FAXC: variants seen among roughly 807,000 people sequenced by gnomAD.
The protein encoded by FAXC is failed axon connections homolog, metaxin like GST domain containing.
Under a neutral mutation model 41.9 loss-of-function variants are expected in FAXC, and 10 were observed. The ratio of observed to expected loss-of-function variants is 0.24; its 90% confidence interval spans 0.15 to 0.41. The LOEUF (loss-of-function observed/expected upper bound fraction) is 0.41. FAXC is among the 10% of genes least tolerant of loss of function. The probability of loss-of-function intolerance (pLI) is 1.00; values close to 1 mark genes in which losing one functional copy is unlikely to be tolerated. For synonymous variants in FAXC, 183 were observed against 183.8 expected (o/e 1.00, Z 0.03); for missense variants, 399 against 510.9 (o/e 0.78, Z 2.11).
chr6:99,296,224 A>C (rs1771489931), intron 4 of FAXC, among the ~76,000 whole-genome samples: 1 of 152,166 alleles, frequency 6.6e-6, no homozygotes, highest in Admixed American at 6.5e-5. Flanking sequence ...GCCAAGTTAA[A>C]GGCTTCGGAC....
At chr6:99,339,964 AAG>A (rs1204588131) in intron 2 of FAXC, among the ~76,000 whole-genome samples, 1 of 152,216 alleles carries the variant, frequency 6.6e-6, no homozygotes, top group African/African-American at 2.4e-5. Context: ...CTCAGATAAT[AAG>A]AGTTTATAAA....
At position 99,279,249 on chromosome 6, in the gene FAXC, T is replaced by C. The variant is rs947157999; in HGVS notation, c.*1915A>G. 6.6e-6 allele frequency: 1 copy of C among 152,196 alleles called. No homozygotes were observed. The highest frequency in any genetic ancestry group is 2.4e-5 in the African/African-American group (1 of 41,452). 9.4% of individuals were successfully genotyped at this position (152,196 alleles called of 1,614,324 possible). On this transcript the variant is annotated 3_prime_UTR_variant, in exon 6 of 6. Coordinates refer to ENST00000389677, the MANE Select transcript of FAXC (RefSeq NM_032511.4). ...CTTATTAGGCATCAAACAGTCCCTT[T>C]AAATAAGAATGGTTTTAATAAGATA...
At chr6:99,318,489 G>T (rs1772462286) in intron 4 of FAXC, among the ~76,000 whole-genome samples, 1 of 152,040 alleles carries the variant, frequency 6.6e-6, no homozygotes, top group South Asian at 2.1e-4. Flanking sequence ...AAATTGCAGT[G>T]ACTTATTTTC....
At chr6:99,315,612 G>A (rs1248857031) in intron 4 of FAXC, among the ~76,000 whole-genome samples, 1 of 152,194 alleles carries the variant, frequency 6.6e-6, no homozygotes, top group Non-Finnish European at 1.5e-5. Flanking sequence ...CTCCTAAGGT[G>A]TCTAACAACA....
intron 4 of FAXC, among the ~76,000 whole-genome samples, chr6:99,319,129 G>A (rs1243850895): frequency 6.6e-6 from 1 of 152,114 alleles, no homozygotes; most frequent in Non-Finnish European, 1.5e-5. Flanking sequence ...CGGGCGCGGT[G>A]GCTCACGCCT....
chr6:99,318,597 T>C (rs767282372), intron 4 of FAXC, among the ~76,000 whole-genome samples: 24 of 152,198 alleles, frequency 1.6e-4, no homozygotes, highest in Non-Finnish European at 2.8e-4. Context: ...CAGAAAACAA[T>C]GTTTCCAATG....
In FAXC at chr6:99,272,748, T is replaced by G. The variant is rs930889671; in HGVS notation, c.*8416A>C. On this transcript the variant is annotated 3_prime_UTR_variant, in exon 6 of 6. Transcript: ENST00000389677. ...GCCTAAAAAATTCATTACCTCTGTTTTAATTATACAAGAGCCTTACAACTA... is the reference window on the plus strand; with the variant it reads ...GCCTAAAAAATTCATTACCTCTGTTGTAATTATACAAGAGCCTTACAACTA... 5.3e-5 allele frequency: 8 copies of G among 152,220 alleles called. No homozygotes were observed. Among genetic ancestry groups the G allele is most frequent in the African/African-American group, 1.4e-4 (6 of 41,452 alleles). The allele number at this position is 152,220 out of a possible 1,614,324, so 9.4% of individuals were successfully genotyped here.
At chr6:99,285,753 AC>A (rs1265770843) in intron 5 of FAXC, among the ~76,000 whole-genome samples, 2 of 152,184 alleles carry the variant, frequency 1.3e-5, no homozygotes, top group Non-Finnish European at 2.9e-5. Flanking sequence ...ATGCCCCCCT[AC>A]CCAGAAGATA....
At chr6:99,293,861 G>A (rs1216172558) in intron 4 of FAXC, among the ~76,000 whole-genome samples, 1 of 151,980 alleles carries the variant, frequency 6.6e-6, no homozygotes, top group African/African-American at 2.4e-5. Flanking sequence ...TGTACTCTAG[G>A]AATATCTACC....
intron 1 of FAXC, 124 bp downstream of exon 1, chr6:99,348,983 T>C: frequency 1.1e-6 from 1 of 898,292 alleles, no homozygotes; most frequent in Non-Finnish European, 1.7e-6. Context: ...GAAAGGTAAT[T>C]GCAGGGCGCT....
At chr6:99,327,464 T>C (rs1408092448) in intron 3 of FAXC, among the ~76,000 whole-genome samples, 1 of 152,208 alleles carries the variant, frequency 6.6e-6, no homozygotes, top group Non-Finnish European at 1.5e-5. Flanking sequence ...ACCATCTTTC[T>C]ATATTCTTGA....
chr6:99,283,101 T>A lies in FAXC; in HGVS notation c.941-1648A>T, dbSNP rs545575355. 3.3e-5 allele frequency among the ~76,000 whole-genome samples: 5 copies of A among 152,334 alleles called. No homozygotes were observed. The East Asian group carries it at 9.6e-4, about 29-fold the overall frequency. ...CCCTATCACAGGTCGTTTAGGTTGT[T>A]TCCATATTAATGGTTCTGTTGATTA... On this transcript the variant is annotated intron_variant, in intron 5 of 5. Coordinates refer to ENST00000389677, the MANE Select transcript of FAXC (RefSeq NM_032511.4).
chr6:99,314,949 C>T (rs552648577), intron 4 of FAXC, among the ~76,000 whole-genome samples: 65 of 152,102 alleles, frequency 4.3e-4, no homozygotes, highest in Admixed American at 1.2e-3. Flanking sequence ...ATATGACCTC[C>T]TTGGCCAGGC....
intron 4 of FAXC, among the ~76,000 whole-genome samples, chr6:99,306,105 G>A (rs1344471344): frequency 6.6e-6 from 1 of 152,082 alleles, no homozygotes; most frequent in African/African-American, 2.4e-5. Flanking sequence ...TATTTAGACA[G>A]AGACATGAAT....
At chr6:99,285,590 A>T (rs928384826) in intron 5 of FAXC, among the ~76,000 whole-genome samples, 1 of 152,198 alleles carries the variant, frequency 6.6e-6, no homozygotes, top group Non-Finnish European at 1.5e-5. Flanking sequence ...GGATGAGGAG[A>T]AGGCCATAAA....
intron 5 of FAXC, among the ~76,000 whole-genome samples, chr6:99,287,920 T>C (rs1445626839): frequency 2.0e-5 from 3 of 152,198 alleles, no homozygotes; most frequent in African/African-American, 7.2e-5. Context: ...TGGACTTTAA[T>C]AATTCATGCT....
rs548301968 is a variant in FAXC at position 99,286,424 on chromosome 6, TGA to T, written c.941-4973_941-4972del. Among the ~76,000 whole-genome samples, 447 of 152,096 alleles carry T rather than the reference TGA, an allele frequency of 2.9e-3. 5 individuals carry two copies. The highest frequency in any genetic ancestry group is 0.01 in the African/African-American group (432 of 41,474). ...ATGGAGAATAGTAAGAGTGCAGGAG[TGA>T]GGAGATATTTACATGCTGGTCAAGG... On this transcript the variant is annotated intron_variant, in intron 5 of 5. Transcript: ENST00000389677.
chr6:99,327,282 A>C (rs1772850293), intron 3 of FAXC, among the ~76,000 whole-genome samples: 2 of 152,156 alleles, frequency 1.3e-5, no homozygotes, highest in African/African-American at 2.4e-5. Context: ...TAAATCAACT[A>C]CCACACATAG....
At chr6:99,311,541 C>T (rs1772158203) in intron 4 of FAXC, among the ~76,000 whole-genome samples, 1 of 152,174 alleles carries the variant, frequency 6.6e-6, no homozygotes. Flanking sequence ...TGCCACTGCA[C>T]TCTAGCCTGG....
Sources: gnomAD v4.1 joint callset for allele counts (sites outside exome capture counted in the v4.1 genomes callset) on GRCh38, gnomAD v4.1.1 for gene constraint, MANE v1.5 for transcripts, NCBI Gene and HGNC (gene_info 2026-07-23, HGNC 2026-07-21) for gene names.